CMIP: variants seen among roughly 807,000 people sequenced by gnomAD.
CMIP encodes c-Maf inducing protein.
In CMIP, 13 loss-of-function variants were observed where a neutral mutation model predicts 97.3. The ratio of observed to expected loss-of-function variants is 0.13; its 90% CI spans 0.09 to 0.21. The LOEUF (loss-of-function observed/expected upper bound fraction) is 0.21, where lower values mean the gene tolerates loss of function less well. Ranked by LOEUF, CMIP falls within the 10% of genes least tolerant of loss-of-function variation. CMIP has a pLI of 1.00. For missense variants in CMIP, 847 were observed against 1,024.9 expected, an observed-to-expected ratio of 0.83 and a Z score of 2.37; for synonymous variants, 538 against 436.3, an observed-to-expected ratio of 1.23 and a Z score of -2.91.
At chr16:81,666,767 CG>C (rs1254878265) in intron 7 of CMIP, 1 of 152,196 alleles carries the variant, frequency 6.6e-6, no homozygotes, top group Non-Finnish European at 1.5e-5. Flanking sequence ...GAGGAGGATC[CG>C]CCTCTCGTGT....
In CMIP at chr16:81,654,303, C is replaced by G. The variant is rs146177478; in HGVS notation, c.639+1939C>G. Among the ~76,000 whole-genome samples, 1,326 of 151,842 alleles carry G rather than the reference C, an allele frequency of 8.7e-3. 14 individuals are homozygous for G. Among genetic ancestry groups the G allele is most frequent in the Non-Finnish European group, 0.011 (759 of 67,968 alleles). On this transcript the variant is annotated intron_variant, in intron 4 of 20. Coordinates refer to ENST00000537098, the MANE Select transcript of CMIP (RefSeq NM_198390.3). Reference sequence around the variant, plus strand: ...CCCAGGTTGGTCTCAAACTCCTGGGCTCAAGTGATCCTCCCACCTTGGCCT... The same window carrying G: ...CCCAGGTTGGTCTCAAACTCCTGGGGTCAAGTGATCCTCCCACCTTGGCCT...
chr16:81,679,253 A>ATGTGTGTGTGTG, intron 10 of CMIP, among the ~76,000 whole-genome samples: 1 of 148,184 alleles, frequency 6.7e-6, no homozygotes, highest in African/African-American at 2.5e-5. Context: ...CTCTGTAGGG[A>ATGTGTGTGTGTG]TGTGTGTGTG....
At chr16:81,691,887 C>G in intron 11 of CMIP, 47 bp downstream of exon 11, 5 of 1,506,220 alleles carry the variant, frequency 3.3e-6, no homozygotes, top group Non-Finnish European at 4.6e-6. Flanking sequence ...GTGAGACAAA[C>G]CTCAGTTGTC....
intron 3 of CMIP, among the ~76,000 whole-genome samples, chr16:81,646,742 A>C (rs978148149): frequency 1.3e-5 from 2 of 152,190 alleles, no homozygotes; most frequent in Non-Finnish European, 2.9e-5. Context: ...TGTCTTTCTT[A>C]TCTGGCTTCT....
intron 1 of CMIP, among the ~76,000 whole-genome samples, chr16:81,468,413 G>A (rs1023419848): frequency 3.9e-5 from 6 of 152,246 alleles, no homozygotes; most frequent in African/African-American, 1.2e-4. Context: ...TCTCCTTGCG[G>A]GTAAATTGAG....
At chr16:81,694,090 G>A (rs913072065) in intron 13 of CMIP, among the ~76,000 whole-genome samples, 3 of 152,180 alleles carry the variant, frequency 2.0e-5, no homozygotes, top group African/African-American at 7.2e-5. Context: ...GCTGTGCCCC[G>A]GGTCACACAC....
At chr16:81,531,660 C>T (rs1171789930) in intron 1 of CMIP, among the ~76,000 whole-genome samples, 1 of 152,194 alleles carries the variant, frequency 6.6e-6, no homozygotes, top group East Asian at 1.9e-4. Context: ...TGCCGCCCGA[C>T]CTTTGCTTGG....
chr16:81,449,057 G>C (rs1410886697), intron 1 of CMIP, among the ~76,000 whole-genome samples: 2 of 152,260 alleles, frequency 1.3e-5, no homozygotes, highest in Non-Finnish European at 2.9e-5. Context: ...TCACCTGCTA[G>C]GCATGTTTGT....
Position 81,704,019 on chromosome 16 carries a change from C to G in CMIP, c.2025C>G (p.Thr675=). 1 of 1,605,268 alleles carries G rather than the reference C, an allele frequency of 6.2e-7. No individual in the cohort carries two copies. Among genetic ancestry groups the G allele is most frequent in the Non-Finnish European group, 8.5e-7 (1 of 1,176,550 alleles). The part of the protein sequence containing the change: ...ENLSLAFTNV[T]SACAEHLIKL... Reference sequence around the variant, plus strand: ...TCAGTTTGGCCTTCACCAATGTAACCAGTGCCTGCGCCGAGCACCTCATCA... The same window carrying G: ...TCAGTTTGGCCTTCACCAATGTAACGAGTGCCTGCGCCGAGCACCTCATCA... The change falls in exon 18 of 21, where the codon ACC becomes ACG. Residue 675 remains threonine (T), a synonymous_variant. Transcript: ENST00000537098.
chr16:81,501,897 C>A (rs1296054242), intron 1 of CMIP, among the ~76,000 whole-genome samples: 1 of 152,220 alleles, frequency 6.6e-6, no homozygotes, highest in Non-Finnish European at 1.5e-5. Context: ...CAGGCGTGAG[C>A]CATTCTGCTA....
intron 1 of CMIP, among the ~76,000 whole-genome samples, chr16:81,451,858 G>T (rs1328518428): frequency 6.6e-6 from 1 of 152,240 alleles, no homozygotes; most frequent in African/African-American, 2.4e-5. Flanking sequence ...CATGGTGGAG[G>T]AAGAGAGGAA....
At chr16:81,659,775 C>G (rs1201062276) in intron 5 of CMIP, among the ~76,000 whole-genome samples, 1 of 152,212 alleles carries the variant, frequency 6.6e-6, no homozygotes, top group Non-Finnish European at 1.5e-5. Context: ...TTAATTGGGT[C>G]AGGTTGAGCT....
At chr16:81,709,487 G>A (rs34610613) in intron 20 of CMIP, among the ~76,000 whole-genome samples, 48,722 of 152,056 alleles carry the variant, frequency 0.32, 8,278 homozygotes, top group East Asian at 0.54. Flanking sequence ...TTCCACCTGC[G>A]AAGACAGAGA....
intron 1 of CMIP, among the ~76,000 whole-genome samples, chr16:81,510,227 G>A (rs2927307): frequency 0.65 from 98,595 of 151,912 alleles, 32,499 homozygotes; most frequent in East Asian, 0.83. Context: ...GGGGGTGCTC[G>A]CTCCTCACAG....
chr16:81,632,667 G>GC (rs2092179374), intron 3 of CMIP, among the ~76,000 whole-genome samples: 1 of 152,216 alleles, frequency 6.6e-6, no homozygotes, highest in African/African-American at 2.4e-5. Context: ...AGGCCTCGCA[G>GC]CCCCCCAACA....
At chr16:81,522,280 C>CCAGGTG (rs1236856095) in intron 1 of CMIP, among the ~76,000 whole-genome samples, 2 of 152,140 alleles carry the variant, frequency 1.3e-5, no homozygotes, top group Non-Finnish European at 2.9e-5. Context: ...GAGCCCTAAG[C>CCAGGTG]CAGGTGGCCA....
chr16:81,640,270 C>A, intron 3 of CMIP, among the ~76,000 whole-genome samples: 1 of 146,202 alleles, frequency 6.8e-6, no homozygotes, highest in African/African-American at 2.6e-5. Context: ...GCAGCAAGAG[C>A]AGGATAGGAC....
rs2092096603 is a variant in CMIP, at chr16:81,627,908, G to T, written c.477+6982G>T. Among the ~76,000 whole-genome samples the T allele has an allele frequency of 6.6e-6, 1 of 152,178 alleles. No individual in the cohort carries two copies. Among genetic ancestry groups the T allele is most frequent in the African/African-American group, 2.4e-5 (1 of 41,438 alleles). ...CCAGCACCAAGGCAAAGTGCCTGGG[G>T]CTCAGAGAGGGGAAGCCCACCTGAC... On this transcript the variant is annotated intron_variant, in intron 3 of 20. Coordinates refer to ENST00000537098, the MANE Select transcript of CMIP (RefSeq NM_198390.3). This position sits in a 1 kb window ranked among gnomAD's most constrained non-coding sequence, Gnocchi z 4.6.
chr16:81,566,699 A>C lies in CMIP; in HGVS notation c.301-40868A>C, dbSNP rs150268156. ...CTTCTGTCTACTAACAGACATAAAC[A>C]AGAATATTCAGAGCAGCCTTAGTCA... On this transcript the variant is annotated intron_variant, in intron 1 of 20. Coordinates refer to ENST00000537098, the MANE Select transcript of CMIP (RefSeq NM_198390.3). Among the ~76,000 whole-genome samples the C allele has an allele frequency of 3.3e-5, 5 of 152,348 alleles. No individual in the cohort carries two copies. In the East Asian group the frequency reaches 9.6e-4, roughly 29 times the overall value.
Sources: allele counts gnomAD v4.1 joint callset (sites outside exome capture counted in the v4.1 genomes callset), GRCh38; gene constraint gnomAD v4.1.1; non-coding constraint Gnocchi (gnomAD v3.1); transcripts MANE v1.5; gene names NCBI Gene and HGNC (gene_info 2026-07-23, HGNC 2026-07-21).